Variants in CADM2 observed in about 807,000 individuals in gnomAD.
The protein encoded by CADM2 is immunoglobulin superfamily member 4D.
Under a neutral mutation model 49.8 loss-of-function variants are expected in CADM2, and 12 were observed. The ratio of observed to expected loss-of-function variants is 0.24; its 90% CI spans 0.15 to 0.39. The LOEUF is 0.39. Ranked by LOEUF, CADM2 falls within the 10% of genes least tolerant of loss-of-function variation. The pLI is 1.00. For missense variants in CADM2, 378 were observed against 492.3 expected, an observed-to-expected ratio of 0.77 and a Z score of 2.20; for synonymous variants, 214 against 175.4, an observed-to-expected ratio of 1.22 and a Z score of -1.74.
At chr3:85,036,157 G>C (rs1039343330) in intron 1 of CADM2, among the ~76,000 whole-genome samples, 1 of 152,064 alleles carries the variant, frequency 6.6e-6, no homozygotes, top group South Asian at 2.1e-4. Context: ...TTGTTTGCTT[G>C]TCTGTTGTTT....
At chr3:85,123,109 T>G (rs192140161) in intron 1 of CADM2, among the ~76,000 whole-genome samples, 1 of 152,096 alleles carries the variant, frequency 6.6e-6, no homozygotes, top group African/African-American at 2.4e-5. Flanking sequence ...TTTTTCCTAC[T>G]TTTTTTCCCA....
chr3:85,077,005 C>T (rs1039652411), intron 1 of CADM2, among the ~76,000 whole-genome samples: 4 of 152,088 alleles, frequency 2.6e-5, no homozygotes, highest in Non-Finnish European at 5.9e-5. Context: ...AATAATTTCA[C>T]CAGCAATTTT....
At chr3:85,603,543 A>G (rs1015099946) in intron 1 of CADM2, among the ~76,000 whole-genome samples, 2 of 151,730 alleles carry the variant, frequency 1.3e-5, no homozygotes, top group East Asian at 1.9e-4. Flanking sequence ...TGAACTAAAC[A>G]TTCTTTTTTT....
chr3:85,697,518 A>G (rs2066607508), intron 1 of CADM2, among the ~76,000 whole-genome samples: 1 of 152,166 alleles, frequency 6.6e-6, no homozygotes. Flanking sequence ...ATACACAAAA[A>G]CAATGAATAA....
intron 8 of CADM2, among the ~76,000 whole-genome samples, chr3:85,972,991 C>G (rs1726329607): frequency 6.6e-6 from 1 of 151,630 alleles, no homozygotes; most frequent in Admixed American, 6.6e-5. Context: ...GAATATAGAA[C>G]TATTCTGTAT....
intron 1 of CADM2, among the ~76,000 whole-genome samples, chr3:85,432,915 C>T (rs1012567131): frequency 6.6e-6 from 1 of 151,626 alleles, no homozygotes; most frequent in Non-Finnish European, 1.5e-5. Context: ...TTGACACTAC[C>T]TAAGAAAAAA....
At chr3:85,282,850 C>A (rs572689517) in intron 1 of CADM2, among the ~76,000 whole-genome samples, 7 of 151,974 alleles carry the variant, frequency 4.6e-5, no homozygotes, top group African/African-American at 1.7e-4. Flanking sequence ...GGTGACTATA[C>A]TAAAAAAGAA....
intron 1 of CADM2, among the ~76,000 whole-genome samples, chr3:85,106,784 G>A (rs1471540336): frequency 6.6e-6 from 1 of 152,040 alleles, no homozygotes; most frequent in Non-Finnish European, 1.5e-5. Flanking sequence ...GGTAGAGGGA[G>A]GCAAAAATGT....
At chr3:85,527,015 T>A (rs1404977044) in intron 1 of CADM2, among the ~76,000 whole-genome samples, 1 of 152,156 alleles carries the variant, frequency 6.6e-6, no homozygotes, top group Non-Finnish European at 1.5e-5. Flanking sequence ...TATTTTAGTT[T>A]TAGAAATATG....
intron 1 of CADM2, among the ~76,000 whole-genome samples, chr3:85,428,535 C>G (rs11920427): frequency 0.56 from 81,596 of 144,570 alleles, 23,920 homozygotes; most frequent in East Asian, 0.83. Context: ...TATATACACA[C>G]ACATAAATAA....
intron 1 of CADM2, among the ~76,000 whole-genome samples, chr3:85,635,194 T>C (rs377341123): frequency 6.6e-6 from 1 of 152,098 alleles, no homozygotes; most frequent in South Asian, 2.1e-4. Flanking sequence ...TACAATCTCA[T>C]GAAAATGGTA....
chr3:85,810,897 C>T (rs11926477), intron 3 of CADM2, among the ~76,000 whole-genome samples: 1 of 152,022 alleles, frequency 6.6e-6, no homozygotes, highest in Non-Finnish European at 1.5e-5. Context: ...CCATTATTGG[C>T]AATTCTTTAA....
chr3:85,061,439 AG>A (rs2036312531), intron 1 of CADM2, among the ~76,000 whole-genome samples: 1 of 152,174 alleles, frequency 6.6e-6, no homozygotes, highest in Non-Finnish European at 1.5e-5. Flanking sequence ...TGAATAAGAA[AG>A]GATATAGTTT....
intron 7 of CADM2, among the ~76,000 whole-genome samples, chr3:85,948,801 C>T (rs915164339): frequency 6.6e-6 from 1 of 151,482 alleles, no homozygotes; most frequent in Non-Finnish European, 1.5e-5. Flanking sequence ...CGAAAACCTC[C>T]AATGTGAATA....
intron 1 of CADM2, among the ~76,000 whole-genome samples, chr3:85,515,627 A>AT (rs1483418612): frequency 2.3e-3 from 256 of 113,420 alleles, no homozygotes; most frequent in South Asian, 3.3e-3. Flanking sequence ...ATATATATAT[A>AT]TATATTTTTT....
rs545754301 is a variant in CADM2 at position 85,139,346 on chromosome 3, C to A, written c.61+179678C>A. On this transcript the variant is annotated intron_variant, in intron 1 of 9. Coordinates refer to ENST00000383699, the MANE Select transcript of CADM2 (RefSeq NM_001167675.2). ...TATTCAATTATATCCCCCAAAATAT[C>A]ATTTGAGACAAAATAATTCAAGTTT... 5.3e-5 allele frequency among the ~76,000 whole-genome samples: 8 copies of A among 152,104 alleles called. No homozygotes were observed. In the East Asian group the frequency reaches 1.4e-3, roughly 26 times the overall value.
intron 2 of CADM2, among the ~76,000 whole-genome samples, chr3:85,746,766 C>A (rs976624228): frequency 6.6e-6 from 1 of 152,114 alleles, no homozygotes; most frequent in African/African-American, 2.4e-5. Flanking sequence ...GGGGGTAACT[C>A]TCCCCAAGCT....
intron 1 of CADM2, among the ~76,000 whole-genome samples, chr3:85,658,481 A>G (rs370491279): frequency 2.7e-5 from 4 of 150,742 alleles, no homozygotes; most frequent in East Asian, 2.0e-4. Flanking sequence ...GCAAGCTAAT[A>G]CAACATATTT....
chr3:85,888,454 GAAC>G (rs1191062292), intron 5 of CADM2, among the ~76,000 whole-genome samples: 1 of 152,110 alleles, frequency 6.6e-6, no homozygotes, highest in African/African-American at 2.4e-5. Flanking sequence ...ATCAAGATCA[GAAC>G]AACAATGAAG....
Sources: gnomAD v4.1 joint callset for allele counts (sites outside exome capture counted in the v4.1 genomes callset) on GRCh38, gnomAD v4.1.1 for gene constraint, MANE v1.5 for transcripts, NCBI Gene and HGNC (gene_info 2026-07-23, HGNC 2026-07-21) for gene names.